BABAM2: variants seen among roughly 807,000 people sequenced by gnomAD.
BABAM2 encodes the protein BRISC and BRCA1-A complex member 2.
Under a neutral mutation model 54.7 loss-of-function variants are expected in BABAM2, and 31 were observed. The observed-to-expected ratio is 0.57, with a 90% CI of 0.43 to 0.77. The LOEUF is 0.77. BABAM2 is among the 30% of genes least tolerant of loss of function. BABAM2 has a pLI of 0.00. For synonymous variants in BABAM2, 167 were observed against 162.9 expected, an observed-to-expected ratio of 1.03 and a Z score of -0.19; for missense variants, 364 against 455.8, an observed-to-expected ratio of 0.80 and a Z score of 1.83.
intron 6 of BABAM2, among the ~76,000 whole-genome samples, chr2:28,072,801 T>C (rs1250727416): frequency 6.6e-6 from 1 of 152,190 alleles, no homozygotes; most frequent in Admixed American, 6.5e-5. Context: ...AGCTGGAAAA[T>C]ATAAACTTGA....
intron 3 of BABAM2, among the ~76,000 whole-genome samples, chr2:27,951,031 C>T (rs1400006888): frequency 1.3e-5 from 2 of 152,048 alleles, no homozygotes; most frequent in Non-Finnish European, 2.9e-5. Context: ...TCCTTTCTCC[C>T]CCGCAACTGT....
intron 3 of BABAM2, among the ~76,000 whole-genome samples, chr2:27,938,784 G>A (rs1007066373): frequency 1.3e-5 from 2 of 150,990 alleles, no homozygotes; most frequent in African/African-American, 2.4e-5. Context: ...TATATTCTAC[G>A]GTAAATAATA....
At chr2:28,175,405 G>A (rs1220106128) in intron 7 of BABAM2, among the ~76,000 whole-genome samples, 1 of 152,254 alleles carries the variant, frequency 6.6e-6, no homozygotes, top group Non-Finnish European at 1.5e-5. Context: ...AGCCCAACCA[G>A]CCTGGCACTG....
At chr2:28,054,637 A>G (rs994337608) in intron 6 of BABAM2, among the ~76,000 whole-genome samples, 2 of 152,226 alleles carry the variant, frequency 1.3e-5, no homozygotes, top group African/African-American at 4.8e-5. Flanking sequence ...AGAAGGCACC[A>G]TCTGTGAACT....
At chr2:27,890,061 C>A, upstream of BABAM2, 1 of 555,194 alleles carries the variant, frequency 1.8e-6, no homozygotes, top group Non-Finnish European at 3.2e-6. The surrounding 1 kb of genome is among the most constrained non-coding windows in gnomAD (Gnocchi z 4.8). Context: ...GTCCCCTCCC[C>A]TGAGATTTAC....
chr2:28,321,265 C>G (rs963239695), intron 11 of BABAM2, among the ~76,000 whole-genome samples: 10 of 152,118 alleles, frequency 6.6e-5, no homozygotes, highest in African/African-American at 2.4e-4. Context: ...GGGGGCTTTT[C>G]CAGACACACA....
intron 11 of BABAM2, among the ~76,000 whole-genome samples, chr2:28,314,855 C>G (rs535006859): frequency 6.7e-6 from 1 of 150,290 alleles, no homozygotes; most frequent in Non-Finnish European, 1.5e-5. Flanking sequence ...GGACACTCCT[C>G]CAGAGGAAAC....
intron 7 of BABAM2, among the ~76,000 whole-genome samples, chr2:28,201,152 A>T (rs921614177): frequency 2.0e-5 from 3 of 151,918 alleles, no homozygotes; most frequent in Non-Finnish European, 4.4e-5. Context: ...TCCATTTTTT[A>T]AAAAGTAGTA....
intron 11 of BABAM2, among the ~76,000 whole-genome samples, chr2:28,315,965 C>T (rs557533156): frequency 6.6e-6 from 1 of 152,234 alleles, no homozygotes; most frequent in Non-Finnish European, 1.5e-5. Flanking sequence ...GTTCTTTCAC[C>T]CCTTCTTTGC....
At chr2:28,239,862 A>G (rs1415616730) in intron 8 of BABAM2, among the ~76,000 whole-genome samples, 2 of 152,232 alleles carry the variant, frequency 1.3e-5, no homozygotes, top group Non-Finnish European at 2.9e-5. Context: ...GGGTATGTCC[A>G]TAGACTATTC....
At chr2:28,020,535 G>A (rs367999340) in intron 4 of BABAM2, among the ~76,000 whole-genome samples, 1 of 152,100 alleles carries the variant, frequency 6.6e-6, no homozygotes, top group East Asian at 1.9e-4. Flanking sequence ...GATGGTTTTT[G>A]CTGTGGAAGG....
intron 10 of BABAM2, among the ~76,000 whole-genome samples, chr2:28,263,431 C>G (rs1684712180): frequency 6.6e-6 from 1 of 152,190 alleles, no homozygotes; most frequent in Non-Finnish European, 1.5e-5. Context: ...CCATCTGATT[C>G]CAGATCTCTT....
chr2:28,330,692 C>G (rs958308327), intron 11 of BABAM2, among the ~76,000 whole-genome samples: 6 of 152,112 alleles, frequency 3.9e-5, no homozygotes, highest in Admixed American at 3.3e-4. Flanking sequence ...AGGACACAAA[C>G]AAATGGAAAA....
At chr2:28,188,445 C>A (rs1020216775) in intron 7 of BABAM2, among the ~76,000 whole-genome samples, 3 of 152,156 alleles carry the variant, frequency 2.0e-5, no homozygotes. Flanking sequence ...GGGATAGGGT[C>A]AGAACCCAAT....
In BABAM2 at chr2:28,030,802, C is replaced by T. The variant is rs148651743; in HGVS notation, c.495+5382C>T. Among the ~76,000 whole-genome samples the T allele has an allele frequency of 6.3e-3, 951 of 152,148 alleles. 7 individuals are homozygous for T. The highest frequency in any genetic ancestry group is 7.9e-3 in the Non-Finnish European group (534 of 67,982). On this transcript the variant is annotated intron_variant, in intron 5 of 11. Transcript: ENST00000379624. ...CTTATTATGTCATAGTTCTGGAGGG[C>T]GGAAGTCCAAAATGGGTCTCCCTTG...
At chr2:28,268,832 C>T (rs975884427) in intron 10 of BABAM2, among the ~76,000 whole-genome samples, 23 of 152,304 alleles carry the variant, frequency 1.5e-4, no homozygotes, top group Middle Eastern at 6.8e-3. Flanking sequence ...TCCATTGACT[C>T]AATCATCTTC....
intron 10 of BABAM2, among the ~76,000 whole-genome samples, chr2:28,250,690 C>G (rs900990250): frequency 6.6e-6 from 1 of 151,684 alleles, no homozygotes; most frequent in Non-Finnish European, 1.5e-5. Flanking sequence ...ACCTCCGCCT[C>G]CCAGGTTCAA....
chr2:28,092,626 A>G (rs1251646526), intron 6 of BABAM2, among the ~76,000 whole-genome samples: 1 of 152,216 alleles, frequency 6.6e-6, no homozygotes, highest in Non-Finnish European at 1.5e-5. Flanking sequence ...ACAGCCCCCC[A>G]GGATGCTTTG....
intron 3 of BABAM2, among the ~76,000 whole-genome samples, chr2:27,983,538 C>T (rs1189904367): frequency 1.3e-5 from 2 of 152,112 alleles, no homozygotes; most frequent in Non-Finnish European, 2.9e-5. Flanking sequence ...ATCTACAGAT[C>T]AACTTGGGTT....
Sources: gnomAD v4.1 joint callset for allele counts (sites outside exome capture counted in the v4.1 genomes callset) on GRCh38, gnomAD v4.1.1 for gene constraint, Gnocchi (gnomAD v3.1) non-coding constraint, MANE v1.5 for transcripts, NCBI Gene and HGNC (gene_info 2026-07-23, HGNC 2026-07-21) for gene names.